Variants in STOX1 observed in about 807,000 individuals in gnomAD.
STOX1 encodes storkhead box 1, also known as storkhead-box protein 1.
A neutral mutation model predicts 74.8 loss-of-function variants in STOX1; 57 were observed. That is an observed-to-expected ratio of 0.76 (90% confidence interval 0.62 to 0.95). The LOEUF is 0.95. Ranked by LOEUF, STOX1 falls within the 40% of genes least tolerant of loss-of-function variation. The pLI is 0.00. For missense variants in STOX1, 1,010 were observed against 1,117.0 expected, an observed-to-expected ratio of 0.90 and a Z score of 1.37; for synonymous variants, 375 against 401.3, an observed-to-expected ratio of 0.93 and a Z score of 0.78.
intron 1 of STOX1, among the ~76,000 whole-genome samples, chr10:68,833,357 G>C (rs763747778): frequency 6.6e-6 from 1 of 152,102 alleles, no homozygotes; most frequent in South Asian, 2.1e-4. Context: ...CCAAAGTACT[G>C]GTGTAGCAGG....
intron 1 of STOX1, among the ~76,000 whole-genome samples, chr10:68,830,492 G>A (rs180939204): frequency 2.6e-4 from 39 of 152,012 alleles, no homozygotes; most frequent in African/African-American, 8.4e-4. Flanking sequence ...ATAGGCACCC[G>A]CCACCTTACC....
At chr10:68,863,570 A>C (rs1840321452) in intron 1 of STOX1, among the ~76,000 whole-genome samples, 1 of 152,132 alleles carries the variant, frequency 6.6e-6, no homozygotes, top group Admixed American at 6.5e-5. Flanking sequence ...AGTGTCTAGC[A>C]TTAGATATTG....
rs1461917182 is a variant in STOX1, at chr10:68,884,835, G to C, written c.1039G>C (p.Glu347Gln). 6.2e-7 allele frequency: 1 copy of C among 1,614,194 alleles called. No homozygotes were observed. The highest frequency in any genetic ancestry group is 8.5e-7 in the Non-Finnish European group (1 of 1,180,026). The change falls in exon 3 of 4, where the codon GAA (glutamate) becomes CAA (glutamine). Residue 347 changes from glutamate (E) to glutamine (Q), a missense_variant. Physicochemically the swap from Glu to Gln is conservative, Grantham distance 29. Coordinates refer to ENST00000298596, the MANE Select transcript of STOX1 (RefSeq NM_152709.5). ...FPPEEWPVRDEDDLDNIPRDV... is the reference protein window; with the variant it reads ...FPPEEWPVRDQDDLDNIPRDV... The stretch of plus-strand genomic sequence containing the variant: ...ACCTGAAGAATGGCCCGTCCGAGAT[G>C]AAGATGACTTGGACAATATCCCTCG...
At chr10:68,844,123 T>C (rs1393826490) in intron 1 of STOX1, among the ~76,000 whole-genome samples, 1 of 150,996 alleles carries the variant, frequency 6.6e-6, no homozygotes, top group Non-Finnish European at 1.5e-5. Flanking sequence ...GAGCTTGCAG[T>C]GAGTCGAGAT....
intron 1 of STOX1, among the ~76,000 whole-genome samples, chr10:68,851,850 A>T (rs1286997673): frequency 6.7e-6 from 1 of 149,858 alleles, no homozygotes; most frequent in African/African-American, 2.5e-5. Flanking sequence ...TTAAAAACAA[A>T]CAGCCGGGCG....
At chr10:68,868,101 C>T (rs539312126) in intron 1 of STOX1, among the ~76,000 whole-genome samples, 6 of 152,336 alleles carry the variant, frequency 3.9e-5, no homozygotes, top group South Asian at 4.1e-4. Context: ...GATCCGGGTT[C>T]GAGCCCCAAG....
chr10:68,858,709 A>C (rs1444678732), intron 1 of STOX1, among the ~76,000 whole-genome samples: 1 of 152,006 alleles, frequency 6.6e-6, no homozygotes, highest in Non-Finnish European at 1.5e-5. Flanking sequence ...GCAATGGGGT[A>C]GAGTGGCTAA....
At chr10:68,841,838 C>T (rs190427290) in intron 1 of STOX1, among the ~76,000 whole-genome samples, 1 of 152,236 alleles carries the variant, frequency 6.6e-6, no homozygotes, top group East Asian at 1.9e-4. Flanking sequence ...ATGTTGGAGG[C>T]GTTCCTGGGA....
In STOX1 at chr10:68,885,119, G is replaced by C; in HGVS notation, c.1323G>C (p.Glu441Asp). The C allele has an allele frequency of 6.2e-7, 1 of 1,613,066 alleles. No individual in the cohort carries two copies. Among genetic ancestry groups the C allele is most frequent in the Non-Finnish European group, 8.5e-7 (1 of 1,179,368 alleles). ...ACAAAGCCAGGAATCAGGGAAGTGA[G>C]TTTCAGCCAGGAAGCATTAGACTGG... ...DRHKARNQGS[E>D]FQPGSIRLEK... Residue 441 changes from glutamate (E) to aspartate (D), a missense_variant, in exon 3 of 4, where the codon GAG (glutamate) becomes GAC (aspartate). By Grantham distance (45) the Glu-to-Asp change is conservative. Transcript: ENST00000298596.
At chr10:68,829,466 G>T (rs983788075) in intron 1 of STOX1, among the ~76,000 whole-genome samples, 1 of 152,102 alleles carries the variant, frequency 6.6e-6, no homozygotes, top group Non-Finnish European at 1.5e-5. Context: ...GCAGTGAGCC[G>T]ACATCAGGCC....
intron 1 of STOX1, among the ~76,000 whole-genome samples, chr10:68,836,414 T>G (rs1839555116): frequency 6.6e-6 from 1 of 152,232 alleles, no homozygotes; most frequent in South Asian, 2.1e-4. Flanking sequence ...TCTGGATTCT[T>G]GTTCACTAGA....
At chr10:68,860,810 A>G (rs1052767068) in intron 1 of STOX1, among the ~76,000 whole-genome samples, 13 of 152,088 alleles carry the variant, frequency 8.5e-5, no homozygotes, top group African/African-American at 3.1e-4. Context: ...GAAATGAAGT[A>G]GGGCTAGTAG....
chr10:68,892,648 A>C lies in STOX1; in HGVS notation c.2882A>C (p.Asn961Thr). ...TTGGATGGACTAAAAAGAAGACAGA[A>C]TTTTCTGCAAAATGTCGAAGGCACA... is the stretch of plus-strand genomic sequence containing the variant. ...VILDGLKRRQ[N>T]FLQNVEGTKS... The change falls in exon 4 of 4, where the codon AAT (asparagine) becomes ACT (threonine). Residue 961 changes from asparagine (N) to threonine (T), a missense_variant. Transcript: ENST00000298596. 1 of 1,613,826 alleles carries C rather than the reference A, an allele frequency of 6.2e-7. No homozygotes were observed. The highest frequency in any genetic ancestry group is 8.5e-7 in the Non-Finnish European group (1 of 1,179,802).
chr10:68,848,213 G>A (rs1839901065), intron 1 of STOX1, among the ~76,000 whole-genome samples: 1 of 152,164 alleles, frequency 6.6e-6, no homozygotes, highest in African/African-American at 2.4e-5. Flanking sequence ...AACACATCTG[G>A]CATTTTCCTT....
chr10:68,870,733 A>G (rs891241010), intron 1 of STOX1, among the ~76,000 whole-genome samples: 8 of 152,192 alleles, frequency 5.3e-5, no homozygotes, highest in African/African-American at 1.9e-4. Context: ...GATGAAGGGG[A>G]CAACATGACA....
chr10:68,861,988 T>TTG (rs1564578821), intron 1 of STOX1, among the ~76,000 whole-genome samples: 4 of 151,702 alleles, frequency 2.6e-5, no homozygotes, highest in African/African-American at 9.7e-5. Context: ...CCAAACTAAC[T>TTG]ATCTCCTAGC....
chr10:68,832,544 G>A (rs910236804), intron 1 of STOX1, among the ~76,000 whole-genome samples: 4 of 152,046 alleles, frequency 2.6e-5, no homozygotes, highest in South Asian at 2.1e-4. Context: ...ATGGTGGCAC[G>A]TGCCTGTAAT....
chr10:68,884,344 G>A lies in STOX1; in HGVS notation c.548G>A (p.Gly183Glu). The change falls in exon 3 of 4, where the codon GGA becomes GAA. Residue 183 changes from glycine to glutamate, a missense_variant. Transcript: ENST00000298596. ...KERKIYHTGE[G>E]YFIVTPQTYF... ...AGGAAGATTTATCACACTGGAGAAG[G>A]ATACTTCATAGTTACTCCTCAGACT... 1 of 1,614,104 alleles carries A rather than the reference G, an allele frequency of 6.2e-7. No homozygotes were observed. Among genetic ancestry groups the A allele is most frequent in the Non-Finnish European group, 8.5e-7 (1 of 1,179,982 alleles).
intron 1 of STOX1, among the ~76,000 whole-genome samples, chr10:68,842,839 G>A (rs1370133924): frequency 6.6e-6 from 1 of 151,702 alleles, no homozygotes; most frequent in Non-Finnish European, 1.5e-5. Context: ...GCGCCTGGCC[G>A]GCTCTGTGCC....
Sources: gnomAD v4.1 joint callset for allele counts (sites outside exome capture counted in the v4.1 genomes callset) on GRCh38, gnomAD v4.1.1 for gene constraint, MANE v1.5 for transcripts, NCBI Gene and HGNC (gene_info 2026-07-23, HGNC 2026-07-21) for gene names.